Variants in TICRR observed in about 807,000 individuals in gnomAD.
The protein encoded by TICRR is treslin.
TICRR carries 132 observed loss-of-function variants against 178.1 expected under a neutral mutation model. The observed-to-expected ratio is 0.74, with a 90% CI of 0.64 to 0.86. The LOEUF (loss-of-function observed/expected upper bound fraction) is 0.86, where lower values mean the gene tolerates loss of function less well. Among genes scored for constraint, TICRR ranks in the 40% least tolerant of loss-of-function variants. The pLI, the probability that TICRR is intolerant of heterozygous loss-of-function variation, is 0.00. For synonymous variants in TICRR, 991 were observed against 900.7 expected (o/e 1.10, Z -1.79); for missense variants, 2,587 against 2,334.3 (o/e 1.11, Z -2.23).
At chr15:89,612,798 C>G (rs770817891) in intron 15 of TICRR, among the ~76,000 whole-genome samples, 60 of 152,124 alleles carry the variant, frequency 3.9e-4, no homozygotes, top group Non-Finnish European at 1.9e-4. Context: ...CAGCCTAGTT[C>G]TCATTGATAC....
intron 21 of TICRR, among the ~76,000 whole-genome samples, chr15:89,626,295 A>C (rs895135370): frequency 2.0e-5 from 3 of 152,204 alleles, no homozygotes; most frequent in African/African-American, 7.2e-5. Context: ...CCTCCTGAAA[A>C]TGTTGACAGT....
intron 9 of TICRR, among the ~76,000 whole-genome samples, 190 bp downstream of exon 9, chr15:89,600,875 T>G (rs1222405716): frequency 2.0e-5 from 3 of 151,900 alleles, no homozygotes; most frequent in African/African-American, 7.3e-5. Context: ...TGAGACCGTG[T>G]CTACCAAAAA....
intron 5 of TICRR, among the ~76,000 whole-genome samples, chr15:89,593,083 A>AT (rs762494588): frequency 6.6e-6 from 1 of 152,142 alleles, no homozygotes; most frequent in Non-Finnish European, 1.5e-5. Flanking sequence ...TTTTTTTAAA[A>AT]TTTTTTTGGT....
At chr15:89,623,556 T>G in intron 19 of TICRR, 67 bp from the exon 20 acceptor site, 12 of 1,468,534 alleles carry the variant, frequency 8.2e-6, no homozygotes, top group Non-Finnish European at 1.1e-5. Context: ...TCTTAGAGAT[T>G]ACTAAAACAC....
chr15:89,607,164 TC>T (rs1963187684), intron 14 of TICRR, among the ~76,000 whole-genome samples: 1 of 152,092 alleles, frequency 6.6e-6, no homozygotes, highest in Non-Finnish European at 1.5e-5. Flanking sequence ...CCTGCTTGGA[TC>T]TTAAATTTAG....
chr15:89,593,437 G>T (rs1320778502), intron 5 of TICRR, among the ~76,000 whole-genome samples: 1 of 152,130 alleles, frequency 6.6e-6, no homozygotes, highest in African/African-American at 2.4e-5. Flanking sequence ...CGGCATGGTG[G>T]CTCACACCCG....
intron 15 of TICRR, among the ~76,000 whole-genome samples, chr15:89,616,179 C>T (rs1310239722): frequency 1.3e-5 from 2 of 152,128 alleles, no homozygotes; most frequent in African/African-American, 4.8e-5. Context: ...GCCATTGTGC[C>T]CAGCCTATAT....
At chr15:89,623,186 G>GC (rs1189598261) in intron 19 of TICRR, among the ~76,000 whole-genome samples, 2 of 152,204 alleles carry the variant, frequency 1.3e-5, no homozygotes, top group African/African-American at 4.8e-5. Flanking sequence ...AACACACAGT[G>GC]CCTGGCACAT....
intron 4 of TICRR, among the ~76,000 whole-genome samples, chr15:89,590,511 T>C (rs901873860): frequency 1.3e-5 from 2 of 152,198 alleles, no homozygotes; most frequent in South Asian, 4.1e-4. Context: ...ATTTTACCAG[T>C]ACTCTCTGCT....
At chr15:89,590,116 G>T (rs979112045) in intron 4 of TICRR, among the ~76,000 whole-genome samples, 18 of 152,162 alleles carry the variant, frequency 1.2e-4, no homozygotes. Context: ...AGGGGCCAAT[G>T]ACAAAGATAG....
intron 1 of TICRR, among the ~76,000 whole-genome samples, chr15:89,581,772 G>C (rs1252911490): frequency 2.0e-5 from 3 of 152,190 alleles, no homozygotes; most frequent in African/African-American, 7.2e-5. Context: ...CAGAATTTCA[G>C]AGAAGTAGCG....
intron 15 of TICRR, among the ~76,000 whole-genome samples, chr15:89,610,475 ATCTT>A (rs1301262919): frequency 6.6e-6 from 1 of 152,094 alleles, no homozygotes; most frequent in Non-Finnish European, 1.5e-5. Flanking sequence ...GTGTTTTGTA[ATCTT>A]TCTTGGCTTA....
chr15:89,612,462 A>G (rs1963269947), intron 15 of TICRR, among the ~76,000 whole-genome samples: 1 of 152,166 alleles, frequency 6.6e-6, no homozygotes, highest in Admixed American at 6.5e-5. Context: ...CGAGGTCTTC[A>G]CTGTCTGCCC....
At chr15:89,621,592 G>A in intron 19 of TICRR, 42 bp downstream of exon 19, 1 of 1,536,394 alleles carries the variant, frequency 6.5e-7, no homozygotes, top group Non-Finnish European at 8.8e-7. Context: ...TAATCTCCTG[G>A]AACACAGAGA....
chr15:89,575,663 C>G lies in TICRR; in HGVS notation c.77C>G (p.Ala26Gly), dbSNP rs774099242. 2 of 1,577,548 alleles carry G rather than the reference C, an allele frequency of 1.3e-6. No homozygotes were observed. Among genetic ancestry groups the G allele is most frequent in the Non-Finnish European group, 1.7e-6 (2 of 1,164,264 alleles). The stretch of plus-strand genomic sequence containing the variant: ...GCCCGCCACAGCCGGGTCCGGCGGG[C>G]CGCCCTGCGCCTCCTCACCTATCTG... ...GAARHSRVRR[A>G]ALRLLTYLSC... Residue 26 changes from alanine to glycine, a missense_variant, in exon 1 of 22, where the codon GCC (alanine) becomes GGC (glycine). Physicochemically the swap from Ala to Gly is moderately conservative, Grantham distance 60. Transcript: ENST00000268138.
At position 89,592,164 on chromosome 15, in the gene TICRR, T is replaced by C; in HGVS notation, c.1529T>C (p.Met510Thr). The C allele has an allele frequency of 6.2e-7, 1 of 1,611,364 alleles. No individual in the cohort carries two copies. The change falls in exon 5 of 22, where the codon ATG becomes ACG. Residue 510 changes from methionine to threonine, a missense_variant. Coordinates refer to ENST00000268138, the MANE Select transcript of TICRR (RefSeq NM_152259.4). The stretch of plus-strand genomic sequence containing the variant: ...ATCAGTGGTGCCAGTTCCGATTTGA[T>C]GGAGTCATTTGGGTAAAACGTTTTT... ...CNISGASSDL[M>T]ESFGLLQAAS...
At chr15:89,591,945 T>A in intron 4 of TICRR, 102 bp from the exon 5 acceptor site, 1 of 1,023,894 alleles carries the variant, frequency 9.8e-7, no homozygotes, top group Non-Finnish European at 1.4e-6. Context: ...GTATGTCCTT[T>A]GGAGGGATGC....
chr15:89,621,487 T>A lies in TICRR; in HGVS notation c.3249T>A (p.Gly1083=), dbSNP rs763885288. The A allele has an allele frequency of 1.2e-6, 2 of 1,613,898 alleles. No homozygotes were observed. Among genetic ancestry groups the A allele is most frequent in the African/African-American group, 2.7e-5 (2 of 74,888 alleles). ...AGATGATCAGCCCCTCAGAAAAGGG[T>A]TCAGCTCGAATGAAAAAGCGTTCAA... ...MSEMISPSEK[G]SARMKKRSRN... The change falls in exon 19 of 22, where the codon GGT becomes GGA. Residue 1083 remains glycine, a synonymous_variant. Transcript: ENST00000268138.
intron 4 of TICRR, among the ~76,000 whole-genome samples, chr15:89,591,093 T>C (rs1962903699): frequency 6.6e-6 from 1 of 152,186 alleles, no homozygotes; most frequent in Admixed American, 6.5e-5. Flanking sequence ...TGCAGTTTTG[T>C]TACTGTATAT....
Sources: gnomAD v4.1 joint callset for allele counts (sites outside exome capture counted in the v4.1 genomes callset) on GRCh38, gnomAD v4.1.1 for gene constraint, MANE v1.5 for transcripts, NCBI Gene and HGNC (gene_info 2026-07-23, HGNC 2026-07-21) for gene names.